The following DTNA variants were observed in gnomAD, a reference collection of about 807,000 sequenced individuals.
DTNA encodes the protein dystrobrevin alpha, also known as dystrophin-related protein 3.
A neutral mutation model predicts 100.7 loss-of-function variants in DTNA; 43 were observed. The observed-to-expected ratio is 0.43, with a 90% CI of 0.33 to 0.55. The LOEUF is 0.55. Among genes scored for constraint, DTNA ranks in the 20% least tolerant of loss-of-function variants. The pLI is 0.04. For missense variants in DTNA, 798 were observed against 953.9 expected, an observed-to-expected ratio of 0.84 and a Z score of 2.15; for synonymous variants, 349 against 347.9, an observed-to-expected ratio of 1.00 and a Z score of -0.04.
intron 22 of DTNA, among the ~76,000 whole-genome samples, chr18:34,886,571 G>A (rs1568912190): frequency 6.6e-6 from 1 of 152,154 alleles, no homozygotes; most frequent in Admixed American, 6.5e-5. Flanking sequence ...CTAATAAAAT[G>A]TGCTTGCGTT....
chr18:34,774,170 G>A (rs935187782), intron 3 of DTNA, among the ~76,000 whole-genome samples: 10 of 152,048 alleles, frequency 6.6e-5, no homozygotes, highest in South Asian at 2.1e-4. Context: ...AGAGGAATGC[G>A]TTTCAAGCTT....
chr18:34,884,868 ATTTC>A (rs1400018634), intron 22 of DTNA, 92 bp downstream of exon 22: 1 of 1,412,284 alleles, frequency 7.1e-7, no homozygotes, highest in African/African-American at 1.4e-5. Flanking sequence ...TCTCTTAGTC[ATTTC>A]TTTCTATGTG....
At chr18:34,751,968 C>T (rs966576203) in intron 1 of DTNA, among the ~76,000 whole-genome samples, 1 of 152,202 alleles carries the variant, frequency 6.6e-6, no homozygotes, top group South Asian at 2.1e-4. Context: ...GCGAAAACAA[C>T]ATATGTCCTG....
chr18:34,766,099 G>GTAC, intron 3 of DTNA, 58 bp downstream of exon 3: 1 of 1,568,266 alleles, frequency 6.4e-7, no homozygotes, highest in South Asian at 1.1e-5. Flanking sequence ...TTTACATTTG[G>GTAC]TACTAAGTTT....
chr18:34,668,498 G>C (rs865934843), intron 1 of DTNA, among the ~76,000 whole-genome samples: 2,196 of 152,070 alleles, frequency 0.014, 40 homozygotes, highest in African/African-American at 0.047. Context: ...TGTTTCTCTA[G>C]TTCTTTTAAT....
In DTNA at chr18:34,858,017, G is replaced by A. The variant is rs146417247; in HGVS notation, c.1533-268G>A. Among the ~76,000 whole-genome samples, 36 of 152,248 alleles carry A rather than the reference G, an allele frequency of 2.4e-4. No individual in the cohort carries two copies. In the East Asian group the frequency reaches 6.8e-3, roughly 29 times the overall value. On this transcript the variant is annotated intron_variant, in intron 15 of 22. Coordinates refer to ENST00000444659, the MANE Select transcript of DTNA (RefSeq NM_001386795.1). Reference sequence around the variant, plus strand: ...CTTGCTAGAGAGATGACTGGACCCTGGTGATTTAACTCAACGACATGCTGC... The same window carrying A: ...CTTGCTAGAGAGATGACTGGACCCTAGTGATTTAACTCAACGACATGCTGC...
intron 5 of DTNA, among the ~76,000 whole-genome samples, chr18:34,809,687 C>G (rs930951126): frequency 1.3e-5 from 2 of 152,146 alleles, no homozygotes; most frequent in African/African-American, 2.4e-5. Context: ...CTCGTTCCAG[C>G]TACTCCCTTA....
intron 1 of DTNA, among the ~76,000 whole-genome samples, chr18:34,693,923 C>T (rs1030743632): frequency 2.0e-5 from 3 of 151,986 alleles, no homozygotes; most frequent in Non-Finnish European, 2.9e-5. Flanking sequence ...TTTTAAAAAA[C>T]GTAAAACAGT....
At chr18:34,787,302 C>T (rs764743120) in intron 3 of DTNA, among the ~76,000 whole-genome samples, 18 of 152,142 alleles carry the variant, frequency 1.2e-4, no homozygotes, top group Non-Finnish European at 5.9e-5. Flanking sequence ...TTTGTCAAAA[C>T]CCTTTTCCAC....
chr18:34,858,227 T>A (rs1004246212), intron 15 of DTNA, 58 bp from the exon 16 acceptor site: 19 of 1,520,024 alleles, frequency 1.2e-5, no homozygotes, highest in Non-Finnish European at 1.6e-5. Context: ...TCTGCTCCGA[T>A]GTTAGTTTCC....
intron 1 of DTNA, among the ~76,000 whole-genome samples, chr18:34,670,742 T>G (rs900546795): frequency 3.9e-5 from 6 of 152,220 alleles, no homozygotes; most frequent in Non-Finnish European, 2.9e-5. Context: ...CAGCGGATAT[T>G]GCTGAATAGC....
intron 2 of DTNA, among the ~76,000 whole-genome samples, chr18:34,756,286 A>G (rs1287556616): frequency 1.3e-5 from 2 of 152,202 alleles, no homozygotes; most frequent in Non-Finnish European, 2.9e-5. Flanking sequence ...ATAGATTTAT[A>G]TATTTACATT....
Position 34,814,247 on chromosome 18 carries a change from G to A in DTNA, c.604-1662G>A, listed in dbSNP as rs112265200. The stretch of plus-strand genomic sequence containing the variant: ...CTGTTGTATTACTTCACCCAGTCAT[G>A]GAAACAAGAATAATTTCATTTATAA... On this transcript the variant is annotated intron_variant, in intron 6 of 22. Coordinates refer to ENST00000444659, the MANE Select transcript of DTNA (RefSeq NM_001386795.1). Among the ~76,000 whole-genome samples the A allele has an allele frequency of 6.2e-4, 94 of 152,170 alleles. 2 individuals carry two copies. In the South Asian group the frequency reaches 0.013, roughly 21 times the overall value.
At chr18:34,705,303 A>T (rs527543773), upstream of DTNA, among the ~76,000 whole-genome samples, 50 of 152,340 alleles carry the variant, frequency 3.3e-4, no homozygotes, top group East Asian at 1.9e-3. Flanking sequence ...TGATAAAAAA[A>T]AAATAAAAAG....
At chr18:34,702,194 C>T (rs1184172274) in intron 1 of DTNA, among the ~76,000 whole-genome samples, 2 of 152,120 alleles carry the variant, frequency 1.3e-5, no homozygotes, top group African/African-American at 2.4e-5. Context: ...TGAAATCCCT[C>T]GCCTCCTTTT....
At chr18:34,831,515 C>G (rs1413979411) in intron 11 of DTNA, among the ~76,000 whole-genome samples, 1 of 152,166 alleles carries the variant, frequency 6.6e-6, no homozygotes, top group East Asian at 1.9e-4. Flanking sequence ...CGCCTGTAAT[C>G]CCAGCAATTT....
intron 1 of DTNA, among the ~76,000 whole-genome samples, chr18:34,736,337 C>G (rs989502277): frequency 2.6e-5 from 4 of 152,124 alleles, no homozygotes; most frequent in Admixed American, 1.3e-4. Context: ...AGAATCTTTT[C>G]AAATGAATTA....
chr18:34,887,570 C>G (rs2096933409), intron 22 of DTNA, among the ~76,000 whole-genome samples, 196 bp from the exon 23 acceptor site: 1 of 152,160 alleles, frequency 6.6e-6, no homozygotes, highest in Admixed American at 6.5e-5. Flanking sequence ...TCCTCTCTTC[C>G]AGAAGGTGCA....
At chr18:34,700,415 A>G (rs1319786460) in intron 1 of DTNA, among the ~76,000 whole-genome samples, 2 of 152,200 alleles carry the variant, frequency 1.3e-5, no homozygotes, top group South Asian at 2.1e-4. Context: ...CTTTGTGTTC[A>G]TTAAAGGGTC....
Sources: gnomAD v4.1 joint callset for allele counts (sites outside exome capture counted in the v4.1 genomes callset) on GRCh38, gnomAD v4.1.1 for gene constraint, MANE v1.5 for transcripts, NCBI Gene and HGNC (gene_info 2026-07-23, HGNC 2026-07-21) for gene names.